POU6F2: variants seen among roughly 807,000 people sequenced by gnomAD.
POU6F2 encodes POU class 6 homeobox 2, also known as POU domain, class 6, transcription factor 2.
Under a neutral mutation model 71.3 loss-of-function variants are expected in POU6F2, and 31 were observed. That is an observed-to-expected ratio of 0.43 (90% CI 0.33 to 0.59). POU6F2 has a LOEUF of 0.59. Ranked by LOEUF, POU6F2 falls within the 20% of genes least tolerant of loss-of-function variation. The probability of loss-of-function intolerance (pLI) is 0.04; values close to 1 mark genes in which losing one functional copy is unlikely to be tolerated. For synonymous variants in POU6F2, 347 were observed against 355.7 expected (o/e 0.98, Z 0.27); for missense variants, 783 against 856.8 (o/e 0.91, Z 1.07).
intron 1 of POU6F2, among the ~76,000 whole-genome samples, chr7:39,029,710 T>C (rs577517117): frequency 6.6e-6 from 1 of 152,316 alleles, no homozygotes; most frequent in East Asian, 1.9e-4. Context: ...GGATATTCTA[T>C]TCCTAGTTTG....
intron 2 of POU6F2, among the ~76,000 whole-genome samples, chr7:39,101,375 G>A (rs1397489455): frequency 6.6e-6 from 1 of 151,812 alleles, no homozygotes; most frequent in African/African-American, 2.4e-5. Flanking sequence ...ATGCCAGGCT[G>A]TGTATTCTTT....
At chr7:39,220,182 C>G (rs1794320381) in intron 4 of POU6F2, among the ~76,000 whole-genome samples, 1 of 152,198 alleles carries the variant, frequency 6.6e-6, no homozygotes, top group Non-Finnish European at 1.5e-5. Flanking sequence ...TTCTGTTACT[C>G]ACTTCCAGTT....
intron 5 of POU6F2, among the ~76,000 whole-genome samples, chr7:39,357,448 G>A (rs1044215835): frequency 6.6e-6 from 1 of 152,186 alleles, no homozygotes; most frequent in African/African-American, 2.4e-5. Flanking sequence ...CAGTTTGTAA[G>A]AGGTGGAGCT....
At chr7:39,207,716 G>T in intron 4 of POU6F2, 96 bp downstream of exon 4, 1 of 1,189,766 alleles carries the variant, frequency 8.4e-7, no homozygotes, top group Non-Finnish European at 1.2e-6. Context: ...TGGTGAATGT[G>T]GTTCAGAGTT....
intron 4 of POU6F2, among the ~76,000 whole-genome samples, chr7:39,226,279 C>A (rs894577123): frequency 7.2e-5 from 11 of 152,100 alleles, no homozygotes; most frequent in African/African-American, 2.4e-4. Context: ...TTTTATGGGA[C>A]TGAACTGAAA....
At chr7:39,224,428 C>T (rs2128748943) in intron 4 of POU6F2, among the ~76,000 whole-genome samples, 1 of 151,606 alleles carries the variant, frequency 6.6e-6, no homozygotes, top group South Asian at 2.1e-4. Flanking sequence ...ACTGCTCCAG[C>T]ATTTCTGCCC....
chr7:39,463,874 C>T (rs1259196161), intron 9 of POU6F2, among the ~76,000 whole-genome samples: 1 of 152,158 alleles, frequency 6.6e-6, no homozygotes, highest in Admixed American at 6.5e-5. Flanking sequence ...CAAATAAATG[C>T]TTAGATCTCA....
Position 39,433,065 on chromosome 7 carries a change from CCT to C in POU6F2, c.1114-7_1114-6del. 6 of 1,612,254 alleles carry C rather than the reference CCT, an allele frequency of 3.7e-6. No individual in the cohort carries two copies. Among genetic ancestry groups the C allele is most frequent in the Non-Finnish European group, 5.1e-6 (6 of 1,178,704 alleles). ...ACCGAGCCAGCTCCTCACCTTTGGC[CCT>C]CTCTTGCAGATTATCGGGACCATTC... On this transcript the variant is annotated splice_polypyrimidine_tract_variant and intron_variant, in intron 6 of 9. Transcript: ENST00000518318.
At chr7:39,378,827 G>A (rs531599609) in intron 5 of POU6F2, among the ~76,000 whole-genome samples, 30 of 152,318 alleles carry the variant, frequency 2.0e-4, no homozygotes, top group Non-Finnish European at 3.4e-4. Flanking sequence ...GGCAATTCAT[G>A]TGCATATAGA....
At chr7:39,022,699 C>G (rs970121825) in intron 1 of POU6F2, among the ~76,000 whole-genome samples, 1 of 152,030 alleles carries the variant, frequency 6.6e-6, no homozygotes, top group Non-Finnish European at 1.5e-5. Context: ...GACTTTCCCC[C>G]GCTTTTTCCA....
At chr7:39,398,181 G>A (rs917399) in intron 5 of POU6F2, among the ~76,000 whole-genome samples, 16,755 of 151,904 alleles carry the variant, frequency 0.11, 991 homozygotes, top group African/African-American at 0.14. Context: ...ATTTATTGAG[G>A]GCCTACTGGA....
intron 4 of POU6F2, among the ~76,000 whole-genome samples, chr7:39,300,184 T>C (rs1302521790): frequency 6.6e-6 from 1 of 152,134 alleles, no homozygotes; most frequent in African/African-American, 2.4e-5. Flanking sequence ...GAGAAAAAGG[T>C]AAACAAACGT....
intron 2 of POU6F2, among the ~76,000 whole-genome samples, chr7:39,193,041 A>G (rs1279331711): frequency 1.3e-5 from 2 of 152,068 alleles, no homozygotes. Context: ...TATAATGTAG[A>G]TTCTGATTTG....
intron 1 of POU6F2, among the ~76,000 whole-genome samples, chr7:39,026,595 T>C (rs1273948917): frequency 6.6e-6 from 1 of 151,944 alleles, no homozygotes; most frequent in Non-Finnish European, 1.5e-5. Context: ...CTCTGGGGAC[T>C]GTTGTGGGGT....
At chr7:39,334,828 A>T (rs1785732548) in intron 4 of POU6F2, among the ~76,000 whole-genome samples, 1 of 152,216 alleles carries the variant, frequency 6.6e-6, no homozygotes, top group Admixed American at 6.5e-5. Flanking sequence ...GAGCAAAAGC[A>T]CACAATAAAT....
At chr7:39,452,939 A>G (rs2116124817) in intron 8 of POU6F2, among the ~76,000 whole-genome samples, 1 of 152,242 alleles carries the variant, frequency 6.6e-6, no homozygotes, top group East Asian at 1.9e-4. Context: ...CTAAAATACA[A>G]AAATTAGCCG....
intron 2 of POU6F2, among the ~76,000 whole-genome samples, chr7:39,148,050 A>G (rs1434252093): frequency 6.6e-6 from 1 of 152,216 alleles, no homozygotes; most frequent in Non-Finnish European, 1.5e-5. Context: ...CTTTCACCAT[A>G]CATGAATATG....
chr7:39,407,615 G>A (rs977927552), intron 6 of POU6F2, among the ~76,000 whole-genome samples: 7 of 151,924 alleles, frequency 4.6e-5, no homozygotes, highest in Non-Finnish European at 7.4e-5. Flanking sequence ...GAAGGAGCTA[G>A]CATTCTCACA....
In POU6F2 at chr7:39,228,928, G is replaced by A. The variant is rs546435266; in HGVS notation, c.598+21308G>A. On this transcript the variant is annotated intron_variant, in intron 4 of 9. Transcript: ENST00000518318. ...TCGGGCTCTGCAGAAAGTGTCAATGGGGTAAACACACTCTGGGGACCAGGC... is the reference window on the plus strand; with the variant it reads ...TCGGGCTCTGCAGAAAGTGTCAATGAGGTAAACACACTCTGGGGACCAGGC... Among the ~76,000 whole-genome samples, 7 of 152,286 alleles carry A rather than the reference G, an allele frequency of 4.6e-5. No homozygotes were observed. The East Asian group carries it at 1.4e-3, about 29-fold the overall frequency.
Sources: allele counts gnomAD v4.1 joint callset (sites outside exome capture counted in the v4.1 genomes callset), GRCh38; gene constraint gnomAD v4.1.1; transcripts MANE v1.5; gene names NCBI Gene and HGNC (gene_info 2026-07-23, HGNC 2026-07-21).